The following CNTNAP2 variants were observed in gnomAD, a reference collection of about 807,000 sequenced individuals.
CNTNAP2 encodes contactin-associated protein-like 2.
A neutral mutation model predicts 155.2 loss-of-function variants in CNTNAP2; 98 were observed. The ratio of observed to expected loss-of-function variants is 0.63; its 90% confidence interval spans 0.54 to 0.75. The LOEUF (loss-of-function observed/expected upper bound fraction) is 0.75. Among genes scored for constraint, CNTNAP2 ranks in the 30% least tolerant of loss-of-function variants. The probability of loss-of-function intolerance (pLI) is 0.00; values close to 1 mark genes in which losing one functional copy is unlikely to be tolerated. For missense variants in CNTNAP2, 1,727 were observed against 1,688.1 expected, an observed-to-expected ratio of 1.02 and a Z score of -0.40; for synonymous variants, 651 against 631.2, an observed-to-expected ratio of 1.03 and a Z score of -0.47.
At chr7:146,944,324 G>A (rs1797114182) in intron 3 of CNTNAP2, among the ~76,000 whole-genome samples, 1 of 150,488 alleles carries the variant, frequency 6.6e-6, no homozygotes, top group African/African-American at 2.4e-5. Flanking sequence ...AACCCATGTT[G>A]TTCAAAGATC....
intron 4 of CNTNAP2, among the ~76,000 whole-genome samples, chr7:147,078,192 G>T (rs1400343005): frequency 6.6e-6 from 1 of 152,178 alleles, no homozygotes; most frequent in Non-Finnish European, 1.5e-5. Context: ...TACCTTGAAA[G>T]AATTACATGT....
At chr7:146,147,648 C>T (rs1468844052) in intron 1 of CNTNAP2, among the ~76,000 whole-genome samples, 1 of 152,104 alleles carries the variant, frequency 6.6e-6, no homozygotes, top group Non-Finnish European at 1.5e-5. Context: ...ATCAAAGATT[C>T]ACCTGTCACT....
intron 14 of CNTNAP2, among the ~76,000 whole-genome samples, chr7:147,930,254 A>T (rs1264161507): frequency 6.6e-6 from 1 of 151,978 alleles, no homozygotes; most frequent in Non-Finnish European, 1.5e-5. Flanking sequence ...AATAGACTAG[A>T]CTCCCCAATC....
At chr7:147,588,049 ATAATAC>A (rs1800665662) in intron 12 of CNTNAP2, among the ~76,000 whole-genome samples, 1 of 152,168 alleles carries the variant, frequency 6.6e-6, no homozygotes, top group Non-Finnish European at 1.5e-5. Flanking sequence ...TAAATGTTCC[ATAATAC>A]TAATGTAGAA....
chr7:147,833,270 A>G (rs1054241072), intron 13 of CNTNAP2, among the ~76,000 whole-genome samples: 1 of 152,084 alleles, frequency 6.6e-6, no homozygotes. Flanking sequence ...GCCAATCTGG[A>G]AGTTAGGAGA....
intron 13 of CNTNAP2, among the ~76,000 whole-genome samples, chr7:147,650,943 A>G (rs1386190135): frequency 1.3e-5 from 2 of 152,182 alleles, no homozygotes; most frequent in African/African-American, 4.8e-5. Flanking sequence ...AGAATTCATA[A>G]TGACTTCCAA....
At chr7:146,751,893 G>A (rs967272864) in intron 1 of CNTNAP2, among the ~76,000 whole-genome samples, 1 of 152,074 alleles carries the variant, frequency 6.6e-6, no homozygotes, top group African/African-American at 2.4e-5. Context: ...TTCGGTTCTT[G>A]TGTTAGTTTG....
At chr7:147,253,381 CT>C (rs1309661849) in intron 8 of CNTNAP2, among the ~76,000 whole-genome samples, 2 of 131,964 alleles carry the variant, frequency 1.5e-5, no homozygotes, top group African/African-American at 6.0e-5. Context: ...AACAGGTTCT[CT>C]GTTTTTTTTT....
At chr7:147,254,864 A>C (rs1804286537) in intron 8 of CNTNAP2, among the ~76,000 whole-genome samples, 1 of 152,164 alleles carries the variant, frequency 6.6e-6, no homozygotes, top group Non-Finnish European at 1.5e-5. Flanking sequence ...GCAAAGACTT[A>C]ATTGTTCTTT....
At chr7:146,725,386 T>C (rs938171859) in intron 1 of CNTNAP2, among the ~76,000 whole-genome samples, 1 of 152,170 alleles carries the variant, frequency 6.6e-6, no homozygotes, top group Non-Finnish European at 1.5e-5. Context: ...ATTTTGCCTT[T>C]AGCCTTCAAA....
intron 13 of CNTNAP2, among the ~76,000 whole-genome samples, chr7:147,891,654 C>A (rs533758832): frequency 6.6e-6 from 1 of 151,512 alleles, no homozygotes; most frequent in Non-Finnish European, 1.5e-5. Flanking sequence ...ATGCAAAGAG[C>A]AAATTCATTT....
chr7:146,928,965 C>T (rs576750528), intron 3 of CNTNAP2, among the ~76,000 whole-genome samples: 14 of 151,840 alleles, frequency 9.2e-5, no homozygotes, highest in African/African-American at 3.1e-4. Context: ...CACCACAGCT[C>T]AAGGAGGCCT....
intron 13 of CNTNAP2, among the ~76,000 whole-genome samples, chr7:147,811,208 C>T (rs1449336190): frequency 6.6e-6 from 1 of 152,298 alleles, no homozygotes; most frequent in African/African-American, 2.4e-5. Flanking sequence ...AATTCTCCTG[C>T]CTCAGCCTCC....
chr7:147,195,323 G>T lies in CNTNAP2; in HGVS notation c.1348+62814G>T, dbSNP rs527833849. ...GTACCATGCTGTTTTGGTTACTGTG[G>T]TCTTATAGGATAGTTTGAAGTTAGG... On this transcript the variant is annotated intron_variant, in intron 8 of 23. Coordinates refer to ENST00000361727, the MANE Select transcript of CNTNAP2 (RefSeq NM_014141.6). 2.6e-5 allele frequency among the ~76,000 whole-genome samples: 4 copies of T among 152,246 alleles called. No homozygotes were observed. The East Asian group carries it at 7.7e-4, about 29-fold the overall frequency.
chr7:148,094,934 C>T (rs949497269), intron 15 of CNTNAP2, among the ~76,000 whole-genome samples: 2 of 152,064 alleles, frequency 1.3e-5, no homozygotes, highest in African/African-American at 2.4e-5. Context: ...GAGAAGAGCA[C>T]AGTGGCATAG....
chr7:147,192,790 G>A (rs1462912349), intron 8 of CNTNAP2, among the ~76,000 whole-genome samples: 2 of 152,038 alleles, frequency 1.3e-5, no homozygotes, highest in African/African-American at 2.4e-5. Context: ...TTACATGTTC[G>A]GATTGATTTT....
rs58582637 is a variant in CNTNAP2, at chr7:146,273,086, A to AAGAGAG, written c.97+156135_97+156140dup. Reference sequence around the variant, plus strand: ...AGGGTGGAAGGGTGAGAGAAAGAGAAAGAGAGAGAGAGAGAGAGAGAGAGA... The same window carrying AAGAGAG: ...AGGGTGGAAGGGTGAGAGAAAGAGAAAGAGAGAGAGAGAGAGAGAGAGAGAGAGAGA... On this transcript the variant is annotated intron_variant, in intron 1 of 23. Transcript: ENST00000361727. 1.7e-3 allele frequency among the ~76,000 whole-genome samples: 233 copies of AAGAGAG among 138,050 alleles called. 2 individuals carry two copies. Among genetic ancestry groups the AAGAGAG allele is most frequent in the South Asian group, 9.2e-3 (40 of 4,356 alleles). The allele number at this position is 138,050 out of a possible 152,430, so 90.6% of individuals were successfully genotyped here. A position where few individuals can be genotyped will look rare whatever the true frequency, so the allele number is the denominator to read the frequency against.
chr7:146,344,936 T>C (rs1794797217), intron 1 of CNTNAP2, among the ~76,000 whole-genome samples: 2 of 152,168 alleles, frequency 1.3e-5, no homozygotes, highest in Non-Finnish European at 2.9e-5. Flanking sequence ...TGGCATTAAC[T>C]AAGTTGAGAA....
At chr7:148,356,196 T>TATG (rs745684313) in intron 21 of CNTNAP2, among the ~76,000 whole-genome samples, 43 of 152,200 alleles carry the variant, frequency 2.8e-4, no homozygotes, top group Non-Finnish European at 4.6e-4. Context: ...GATTTGCTTC[T>TATG]ATGTTCCATA....
Sources: gnomAD v4.1 joint callset for allele counts (sites outside exome capture counted in the v4.1 genomes callset) on GRCh38, gnomAD v4.1.1 for gene constraint, MANE v1.5 for transcripts, NCBI Gene and HGNC (gene_info 2026-07-23, HGNC 2026-07-21) for gene names.